The following PUS1 variants were observed in gnomAD, a reference collection of about 807,000 sequenced individuals.
PUS1 encodes the protein pseudouridine synthase 1.
In PUS1, 25 loss-of-function variants were observed where a neutral mutation model predicts 38.5. The observed-to-expected ratio is 0.65, with a 90% CI of 0.47 to 0.91. The LOEUF is 0.91. PUS1 is among the 40% of genes least tolerant of loss of function. The pLI, the probability that PUS1 is intolerant of heterozygous loss-of-function variation, is 0.00. For missense variants in PUS1, 597 were observed against 612.3 expected (o/e 0.97, Z 0.26); for synonymous variants, 282 against 260.4 (o/e 1.08, Z -0.80).
At position 131,943,918 on chromosome 12, in the gene PUS1, C is replaced by T. The variant is rs1175788477; in HGVS notation, c.*332C>T. 5 of 355,826 alleles carry T rather than the reference C, an allele frequency of 1.4e-5. No individual in the cohort carries two copies. Among genetic ancestry groups the T allele is most frequent in the Non-Finnish European group, 1.6e-5 (3 of 182,040 alleles). 22.0% of individuals were successfully genotyped at this position (355,826 alleles called of 1,614,324 possible). Reference sequence around the variant, plus strand: ...CATTTTTTTCGTCCACAGAGATGAGCACAGCATGGTGTCCCGTTGAGAACA... The same window carrying T: ...CATTTTTTTCGTCCACAGAGATGAGTACAGCATGGTGTCCCGTTGAGAACA... On this transcript the variant is annotated 3_prime_UTR_variant, in exon 6 of 6. Coordinates refer to ENST00000376649, the MANE Select transcript of PUS1 (RefSeq NM_025215.6).
At chr12:131,942,657 T>C (rs185203983) in intron 5 of PUS1, among the ~76,000 whole-genome samples, 1,792 of 152,226 alleles carry the variant, frequency 0.012, 13 homozygotes, top group Non-Finnish European at 0.014. Context: ...CCACCCGCCT[T>C]GGCCTCCCAA....
chr12:131,939,872 C>A (rs1890990890), intron 4 of PUS1, among the ~76,000 whole-genome samples: 1 of 152,084 alleles, frequency 6.6e-6, no homozygotes, highest in Non-Finnish European at 1.5e-5. Context: ...AACTCCTGGG[C>A]TCAAGTGATC....
rs746104627 is a variant in PUS1, at chr12:131,941,730, C to T, written c.983C>T (p.Ala328Val). The change falls in exon 5 of 6, where the codon GCG becomes GTG. Residue 328 changes from alanine to valine, a missense_variant. Coordinates refer to ENST00000376649, the MANE Select transcript of PUS1 (RefSeq NM_025215.6). This position sits in a 1 kb window ranked among gnomAD's most constrained non-coding sequence, Gnocchi z 4.4. ...ACAGAGAAGGTGGACGTGCCCAAGG[C>T]GCCCGGACTCGGCCTGGTCCTGGAG... ...WGTEKVDVPKAPGLGLVLERV... is the reference protein window; with the variant it reads ...WGTEKVDVPKVPGLGLVLERV... 1.9e-5 allele frequency: 30 copies of T among 1,613,996 alleles called. No homozygotes were observed. Among genetic ancestry groups the T allele is most frequent in the Admixed American group, 6.7e-5 (4 of 59,994 alleles).
intron 3 of PUS1, among the ~76,000 whole-genome samples, chr12:131,934,113 A>G (rs556396016): frequency 6.6e-6 from 1 of 152,360 alleles, no homozygotes; most frequent in East Asian, 1.9e-4. Flanking sequence ...ACTTTCACTA[A>G]TTGTGCTACT....
In PUS1 at chr12:131,929,976, C is replaced by A; in HGVS notation, c.144C>A (p.Ser48=). ...AGAACPQDRR[S]CSGRAGGDRV... is the part of the protein sequence containing the mutation. Reference sequence around the variant, plus strand: ...CCGCATGCCCCCAGGACCGGAGGTCCTGCAGCGGCCGGGCCGGGGGCGACC... The same window carrying A: ...CCGCATGCCCCCAGGACCGGAGGTCATGCAGCGGCCGGGCCGGGGGCGACC... Residue 48 remains serine (S), a synonymous_variant, in exon 2 of 6, where the codon TCC becomes TCA. Coordinates refer to ENST00000376649, the MANE Select transcript of PUS1 (RefSeq NM_025215.6). 1 of 1,504,740 alleles carries A rather than the reference C, an allele frequency of 6.6e-7. No homozygotes were observed. Among genetic ancestry groups the A allele is most frequent in the Non-Finnish European group, 8.8e-7 (1 of 1,138,252 alleles). 93.2% of individuals were successfully genotyped at this position (1,504,740 alleles called of 1,614,324 possible). A position where few individuals can be genotyped will look rare whatever the true frequency, so the allele number is the denominator to read the frequency against.
chr12:131,943,543 C>T lies in PUS1; in HGVS notation c.1241C>T (p.Pro414Leu). The T allele has an allele frequency of 6.2e-7, 1 of 1,613,422 alleles. No homozygotes were observed. The highest frequency in any genetic ancestry group is 2.2e-5 in the East Asian group (1 of 44,872). ...LTAGGTGAKV[P>L]SPLEGSEGDG... ...CCATGTGGTCTTCTTCTGCAGGTGC[C>T]CAGTCCCCTGGAAGGCAGTGAAGGG... Residue 414 changes from proline to leucine, a missense_variant, in exon 6 of 6, where the codon CCC becomes CTC. By Grantham distance (98) the Pro-to-Leu change is moderately conservative. Coordinates refer to ENST00000376649, the MANE Select transcript of PUS1 (RefSeq NM_025215.6).
In PUS1 at chr12:131,934,170, G is replaced by C. The variant is rs144081085; in HGVS notation, c.441+1858G>C. On this transcript the variant is annotated intron_variant, in intron 3 of 5. Coordinates refer to ENST00000376649, the MANE Select transcript of PUS1 (RefSeq NM_025215.6). ...AGCAGGAGCCAGGTGTGCAGGTGGA[G>C]CATGAAAGTGGACAAGGAGCGTGAC... Among the ~76,000 whole-genome samples the C allele has an allele frequency of 2.6e-3, 397 of 152,342 alleles. 3 individuals are homozygous for C. Among genetic ancestry groups the C allele is most frequent in the Middle Eastern group, 0.01 (3 of 294 alleles).
chr12:131,936,059 A>C (rs1165839682), intron 3 of PUS1, among the ~76,000 whole-genome samples: 2 of 151,250 alleles, frequency 1.3e-5, no homozygotes, highest in Non-Finnish European at 2.9e-5. Context: ...AAAGATACAA[A>C]AATTAGCCGG....
intron 3 of PUS1, among the ~76,000 whole-genome samples, chr12:131,933,068 C>T (rs186011708): frequency 5.3e-4 from 80 of 152,150 alleles, no homozygotes; most frequent in Non-Finnish European, 2.9e-5. Flanking sequence ...GAAGCCGGGC[C>T]CATGATCCAG....
chr12:131,932,183 C>A lies in PUS1; in HGVS notation c.312C>A (p.Val104=). ...GKGYHGMQRN[V]GSSQFKTIED... is the part of the protein sequence containing the mutation. ...TTGTCTCCTTTTTCCAGAGGAATGT[C>A]GGGTCCTCACAATTCAAAACAATTG... Residue 104 remains valine (V), a synonymous_variant, in exon 3 of 6, where the codon GTC becomes GTA. Coordinates refer to ENST00000376649, the MANE Select transcript of PUS1 (RefSeq NM_025215.6). The A allele has an allele frequency of 6.2e-7, 1 of 1,613,946 alleles. No homozygotes were observed. Among genetic ancestry groups the A allele is most frequent in the Non-Finnish European group, 8.5e-7 (1 of 1,179,862 alleles).
chr12:131,938,515 T>C (rs1890926572), intron 3 of PUS1, among the ~76,000 whole-genome samples: 1 of 152,084 alleles, frequency 6.6e-6, no homozygotes. Context: ...AACAGTAAAG[T>C]GTGCGAGTCT....
rs751648387 is a variant in PUS1, at chr12:131,941,987, G to T, written c.1236+4G>T. On this transcript the variant is annotated splice_donor_region_variant and intron_variant, in intron 5 of 5. Coordinates refer to ENST00000376649, the MANE Select transcript of PUS1 (RefSeq NM_025215.6). The surrounding 1 kb of genome is among the most constrained non-coding windows in gnomAD (Gnocchi z 4.4). The stretch of plus-strand genomic sequence containing the variant: ...GGCAGGTGGCACGGGCGCCAAGGTA[G>T]GGGCACAGTCCCAGCAGTGCTCAGC... The T allele has an allele frequency of 6.2e-7, 1 of 1,610,794 alleles. No individual in the cohort carries two copies. The highest frequency in any genetic ancestry group is 8.5e-7 in the Non-Finnish European group (1 of 1,178,950).
In PUS1 at chr12:131,929,986, C is replaced by A; in HGVS notation, c.154C>A (p.Arg52=). 6.7e-7 allele frequency: 1 copy of A among 1,496,072 alleles called. No homozygotes were observed. The highest frequency in any genetic ancestry group is 1.3e-5 in the South Asian group (1 of 75,842). The allele number at this position is 1,496,072 out of a possible 1,614,324, so 92.7% of individuals were successfully genotyped here. A position where few individuals can be genotyped will look rare whatever the true frequency, so the allele number is the denominator to read the frequency against. Residue 52 remains arginine (R), a synonymous_variant, in exon 2 of 6, where the codon CGG becomes AGG. Transcript: ENST00000376649. The part of the protein sequence containing the change: ...CPQDRRSCSG[R]AGGDRVWEDG... ...CCAGGACCGGAGGTCCTGCAGCGGC[C>A]GGGCCGGGGGCGACCGCGTCTGGGA... is the stretch of plus-strand genomic sequence containing the variant.
chr12:131,930,838 T>G (rs1593287460), intron 2 of PUS1, among the ~76,000 whole-genome samples: 1 of 152,074 alleles, frequency 6.6e-6, no homozygotes, highest in African/African-American at 2.4e-5. Context: ...AAGTTTTTTA[T>G]TATTTATAGG....
intron 5 of PUS1, among the ~76,000 whole-genome samples, chr12:131,942,521 C>T (rs1891125593): frequency 1.3e-5 from 2 of 152,270 alleles, no homozygotes; most frequent in Non-Finnish European, 2.9e-5. Context: ...ATTCTCCTGC[C>T]TCAGCCTCCC....
chr12:131,941,407 G>A lies in PUS1; in HGVS notation c.660G>A (p.Glu220=), dbSNP rs1891058157. The A allele has an allele frequency of 1.9e-6, 3 of 1,614,124 alleles. No individual in the cohort carries two copies. In the East Asian group the frequency reaches 6.7e-5, roughly 36 times the overall value. The change falls in exon 5 of 6, where the codon GAG becomes GAA. Residue 220 remains glutamate (E), a synonymous_variant. Coordinates refer to ENST00000376649, the MANE Select transcript of PUS1 (RefSeq NM_025215.6). This position sits in a 1 kb window ranked among gnomAD's most constrained non-coding sequence, Gnocchi z 4.4. ...ACAAGGACCGGGACGTTCAGGATGA[G>A]ACCTACCGCCTGAGCGCCGAGACGC... ...FAHKDRDVQD[E]TYRLSAETLQ...
intron 3 of PUS1, among the ~76,000 whole-genome samples, chr12:131,938,511 A>G (rs1045916577): frequency 1.3e-5 from 2 of 152,148 alleles, no homozygotes; most frequent in African/African-American, 4.8e-5. Flanking sequence ...AACAAACAGT[A>G]AAGTGTGCGA....
In PUS1 at chr12:131,929,278, T is replaced by G. The variant is rs1206662445; in HGVS notation, c.-445T>G. On this transcript the variant is annotated 5_prime_UTR_variant, in exon 1 of 6. Transcript: ENST00000376649. Reference sequence around the variant, plus strand: ...CCCACGTGGTCCGGCTCCGGCTCAGTCAGCCGCGTCGCGAATGGGGCAGGA... The same window carrying G: ...CCCACGTGGTCCGGCTCCGGCTCAGGCAGCCGCGTCGCGAATGGGGCAGGA... The G allele has an allele frequency of 1.2e-5, 2 of 171,668 alleles. No homozygotes were observed. Among genetic ancestry groups the G allele is most frequent in the Admixed American group, 6.3e-5 (1 of 15,776 alleles). 10.6% of individuals were successfully genotyped at this position (171,668 alleles called of 1,614,324 possible). A position where few individuals can be genotyped will look rare whatever the true frequency, so the allele number is the denominator to read the frequency against.
rs900793574 is a variant in PUS1, at chr12:131,941,144, C to G, written c.545-148C>G. The stretch of plus-strand genomic sequence containing the variant: ...GTGCCTGTTCCCCAGCCTGTGGCTG[C>G]CCCCTCCCCAGAGAAGCCGATGCTT... On this transcript the variant is annotated intron_variant, in intron 4 of 5. Coordinates refer to ENST00000376649, the MANE Select transcript of PUS1 (RefSeq NM_025215.6). This position sits in a 1 kb window ranked among gnomAD's most constrained non-coding sequence, Gnocchi z 4.4. 1 of 688,120 alleles carries G rather than the reference C, an allele frequency of 1.5e-6. No individual in the cohort carries two copies. The allele number at this position is 688,120 out of a possible 1,614,324, so 42.6% of individuals were successfully genotyped here.
Sources: gnomAD v4.1 joint callset for allele counts (sites outside exome capture counted in the v4.1 genomes callset) on GRCh38, gnomAD v4.1.1 for gene constraint, Gnocchi (gnomAD v3.1) non-coding constraint, MANE v1.5 for transcripts, NCBI Gene and HGNC (gene_info 2026-07-23, HGNC 2026-07-21) for gene names.